The following FAT3 variants were observed in gnomAD, a reference collection of about 807,000 sequenced individuals.
The protein encoded by FAT3 is protocadherin Fat 3.
A neutral mutation model predicts 310.2 loss-of-function variants in FAT3; 95 were observed. The observed-to-expected ratio is 0.31, with a 90% CI of 0.26 to 0.36. The LOEUF (loss-of-function observed/expected upper bound fraction) is 0.36, where lower values mean the gene tolerates loss of function less well. Among genes scored for constraint, FAT3 ranks in the 10% least tolerant of loss-of-function variants. The pLI is 1.00. For synonymous variants in FAT3, 2,314 were observed against 2,192.9 expected, an observed-to-expected ratio of 1.06 and a Z score of -1.54; for missense variants, 5,408 against 5,715.6, an observed-to-expected ratio of 0.95 and a Z score of 1.74.
At chr11:92,564,395 G>C in intron 3 of FAT3, among the ~76,000 whole-genome samples, 1 of 149,824 alleles carries the variant, frequency 6.7e-6, no homozygotes, top group Middle Eastern at 3.4e-3. Context: ...AGCAAGTCCT[G>C]AGTGACCTAC....
intron 13 of FAT3, among the ~76,000 whole-genome samples, chr11:92,830,470 C>T (rs985219427): frequency 6.6e-6 from 1 of 152,166 alleles, no homozygotes; most frequent in Non-Finnish European, 1.5e-5. Flanking sequence ...GTATTCCAGG[C>T]TCACTGACCC....
chr11:92,273,612 C>T (rs1386099550), intron 1 of FAT3, among the ~76,000 whole-genome samples: 1 of 151,934 alleles, frequency 6.6e-6, no homozygotes, highest in Non-Finnish European at 1.5e-5. Context: ...GTTACAGAGC[C>T]TCTGAGTAAA....
chr11:92,569,263 C>G (rs1193953714), intron 3 of FAT3, among the ~76,000 whole-genome samples: 1 of 152,126 alleles, frequency 6.6e-6, no homozygotes, highest in African/African-American at 2.4e-5. Flanking sequence ...ATGAAGATAA[C>G]AAGCGTACCT....
chr11:92,446,645 C>T (rs756423990), intron 2 of FAT3, among the ~76,000 whole-genome samples: 3 of 151,984 alleles, frequency 2.0e-5, no homozygotes, highest in African/African-American at 4.8e-5. Context: ...AGAAGACATA[C>T]TACCATTTTC....
intron 3 of FAT3, among the ~76,000 whole-genome samples, chr11:92,590,749 A>T (rs949254074): frequency 6.6e-5 from 10 of 152,276 alleles, no homozygotes; most frequent in Admixed American, 1.3e-4. Flanking sequence ...TGCTGGGCAT[A>T]GTTTGCTGAT....
In FAT3 at chr11:92,890,582, T is replaced by C. The variant is rs188175143; in HGVS notation, c.13239T>C (p.Ser4413=). The change falls in exon 28 of 28, where the codon TCT becomes TCC. Residue 4413 remains serine, a synonymous_variant. Coordinates refer to ENST00000525166, the MANE Select transcript of FAT3 (RefSeq NM_001367949.2). ...VPNYENQDGG[S]AHQGSTRELE... ...ACTATGAGAACCAGGATGGAGGGTC[T>C]GCACACCAGGGGAGCACACGGGAGC... 14,630 of 1,613,544 alleles carry C rather than the reference T, an allele frequency of 9.1e-3. 108 individuals carry two copies. The highest frequency in any genetic ancestry group is 0.018 in the South Asian group (1,598 of 91,052).
chr11:92,601,120 T>A (rs1940000004), intron 3 of FAT3, among the ~76,000 whole-genome samples: 1 of 152,080 alleles, frequency 6.6e-6, no homozygotes, highest in South Asian at 2.1e-4. Flanking sequence ...AGAAGGTTTT[T>A]TTTTTTTAAG....
chr11:92,487,332 A>G (rs549364227), intron 2 of FAT3, among the ~76,000 whole-genome samples: 2 of 152,276 alleles, frequency 1.3e-5, no homozygotes, highest in Admixed American at 1.3e-4. Context: ...GGATGTTGCT[A>G]TTACTATTCT....
intron 7 of FAT3, among the ~76,000 whole-genome samples, chr11:92,784,008 A>G (rs1428698995): frequency 6.6e-6 from 1 of 152,238 alleles, no homozygotes; most frequent in Non-Finnish European, 1.5e-5. Flanking sequence ...TACACATTGT[A>G]TGTATAAATG....
chr11:92,311,704 C>T (rs1947310133), intron 1 of FAT3, among the ~76,000 whole-genome samples: 1 of 151,992 alleles, frequency 6.6e-6, no homozygotes, highest in Non-Finnish European at 1.5e-5. Context: ...TTTTCTTGAC[C>T]TTGGCTCAAA....
At chr11:92,522,641 CA>C (rs1397312097) in intron 2 of FAT3, among the ~76,000 whole-genome samples, 1 of 152,140 alleles carries the variant, frequency 6.6e-6, no homozygotes, top group African/African-American at 2.4e-5. Flanking sequence ...TCTGGTTGGA[CA>C]GAGGATTTGT....
intron 1 of FAT3, among the ~76,000 whole-genome samples, chr11:92,241,163 G>T (rs1387214607): frequency 6.6e-6 from 1 of 152,176 alleles, no homozygotes; most frequent in Admixed American, 6.5e-5. Flanking sequence ...AACTTACTAA[G>T]CATTCATTAC....
rs137927158 is a variant in FAT3 at position 92,403,864 on chromosome 11, G to A, written c.3292+48460G>A. On this transcript the variant is annotated intron_variant, in intron 2 of 27. Transcript: ENST00000525166. ...ATCCTGGCTAACATGGTGAAACCCCGTCTCTATGAAAAATACAAAATATTA... is the reference window on the plus strand; with the variant it reads ...ATCCTGGCTAACATGGTGAAACCCCATCTCTATGAAAAATACAAAATATTA... Among the ~76,000 whole-genome samples the A allele has an allele frequency of 5.9e-5, 9 of 152,152 alleles. No homozygotes were observed. In the East Asian group the frequency reaches 1.2e-3, roughly 20 times the overall value.
chr11:92,405,929 C>T (rs928055324), intron 2 of FAT3, among the ~76,000 whole-genome samples: 15 of 152,292 alleles, frequency 9.8e-5, no homozygotes, highest in African/African-American at 3.6e-4. Context: ...CTTTCTTTAG[C>T]AAAATTGTTT....
At chr11:92,862,851 GC>G (rs1328146415) in intron 21 of FAT3, among the ~76,000 whole-genome samples, 1 of 151,978 alleles carries the variant, frequency 6.6e-6, no homozygotes, top group Admixed American at 6.5e-5. Flanking sequence ...TACTTTTTTT[GC>G]CTGTGAGGAA....
At chr11:92,462,699 C>T (rs186396042) in intron 2 of FAT3, among the ~76,000 whole-genome samples, 164 of 152,208 alleles carry the variant, frequency 1.1e-3, no homozygotes, top group African/African-American at 3.7e-3. Context: ...TTGCTCATGC[C>T]GAAGAATTTC....
intron 1 of FAT3, among the ~76,000 whole-genome samples, chr11:92,259,306 C>G (rs1333373918): frequency 2.6e-5 from 4 of 152,048 alleles, no homozygotes; most frequent in African/African-American, 4.8e-5. Context: ...GATTTAAACT[C>G]TTGACATTTA....
Position 92,831,652 on chromosome 11 carries a change from C to G in FAT3, c.9512C>G (p.Ala3171Gly). ...AATAGGAAGGTCGTGTACTCCCTGGCAGACTCAGCTGGTGGGGTCTTCTCC... is the reference window on the plus strand; with the variant it reads ...AATAGGAAGGTCGTGTACTCCCTGGGAGACTCAGCTGGTGGGGTCTTCTCC... Reference protein sequence around the residue: ...GINRKVVYSLADSAGGVFSID... With the variant: ...GINRKVVYSLGDSAGGVFSID... Residue 3171 changes from alanine (A) to glycine (G), a missense_variant, in exon 14 of 28, where the codon GCA (alanine) becomes GGA (glycine). Around this residue, in one of 5 missense-constraint regions of FAT3, gnomAD observed 4,588 missense variants for 4,809.8 expected, o/e 0.95. Transcript: ENST00000525166. 6.2e-7 allele frequency: 1 copy of G among 1,613,028 alleles called. No homozygotes were observed. Among genetic ancestry groups the G allele is most frequent in the South Asian group, 1.1e-5 (1 of 90,822 alleles).
At chr11:92,429,844 A>C (rs890770722) in intron 2 of FAT3, among the ~76,000 whole-genome samples, 4 of 151,936 alleles carry the variant, frequency 2.6e-5, no homozygotes, top group Non-Finnish European at 5.9e-5. Context: ...GAATCTGATG[A>C]TTATGTGTTT....
Sources: gnomAD v4.1 joint callset for allele counts (sites outside exome capture counted in the v4.1 genomes callset) on GRCh38, gnomAD v4.1.1 for gene constraint, gnomAD v4.1.1 regional missense constraint, MANE v1.5 for transcripts, NCBI Gene and HGNC (gene_info 2026-07-23, HGNC 2026-07-21) for gene names.